SHISA9: variants seen among roughly 807,000 people sequenced by gnomAD.
SHISA9 encodes the protein shisa family member 9.
In SHISA9, 13 loss-of-function variants were observed where a neutral mutation model predicts 38.0. That is an observed-to-expected ratio of 0.34 (90% CI 0.22 to 0.54). The LOEUF (loss-of-function observed/expected upper bound fraction) is 0.54, where lower values mean the gene tolerates loss of function less well. Ranked by LOEUF, SHISA9 falls within the 20% of genes least tolerant of loss-of-function variation. The pLI is 0.91. For synonymous variants in SHISA9, 275 were observed against 242.0 expected (o/e 1.14, Z -1.27); for missense variants, 538 against 575.8 (o/e 0.93, Z 0.67).
At chr16:13,086,434 GATAT>G (rs2073711939) in intron 2 of SHISA9, among the ~76,000 whole-genome samples, 1 of 150,634 alleles carries the variant, frequency 6.6e-6, no homozygotes, top group Non-Finnish European at 1.5e-5. Context: ...CAACAAATCA[GATAT>G]AGCTTCAGAA....
chr16:13,168,169 C>G (rs1394978197), intron 2 of SHISA9, among the ~76,000 whole-genome samples: 1 of 152,184 alleles, frequency 6.6e-6, no homozygotes. Context: ...AGCCCACACC[C>G]CCAACCACCT....
chr16:13,075,629 C>T (rs1036656554), intron 2 of SHISA9, among the ~76,000 whole-genome samples: 4 of 152,152 alleles, frequency 2.6e-5, no homozygotes, highest in African/African-American at 9.7e-5. Flanking sequence ...TTCATAATAT[C>T]TATTGGTGGC....
chr16:13,118,814 C>T (rs2074057580), intron 2 of SHISA9, among the ~76,000 whole-genome samples: 1 of 151,376 alleles, frequency 6.6e-6, no homozygotes, highest in East Asian at 1.9e-4. Context: ...ACTGCAACCT[C>T]CACCTCACGG....
chr16:13,268,554 GTTGTACAAGAC>G, the SHISA9 span, among the ~76,000 whole-genome samples: 1 of 152,106 alleles, frequency 6.6e-6, no homozygotes, highest in South Asian at 2.1e-4. Context: ...AGAAATTCAT[GTTGTACAAGAC>G]TTAGCAGCAC....
intron 2 of SHISA9, among the ~76,000 whole-genome samples, chr16:12,948,984 A>T (rs2071721387): frequency 6.6e-6 from 1 of 152,192 alleles, no homozygotes; most frequent in African/African-American, 2.4e-5. Flanking sequence ...GGCTGGATAT[A>T]CTCATCTGTG....
the SHISA9 span, among the ~76,000 whole-genome samples, chr16:13,359,238 G>A: frequency 1.3e-5 from 2 of 152,202 alleles, no homozygotes; most frequent in East Asian, 3.9e-4. Context: ...ATTTTTTGGG[G>A]GGAGGTCAAG....
the SHISA9 span, among the ~76,000 whole-genome samples, chr16:13,386,741 T>C: frequency 6.6e-6 from 1 of 152,264 alleles, no homozygotes; most frequent in South Asian, 2.1e-4. Flanking sequence ...GCAATATGTT[T>C]TAGATTCCTT....
the SHISA9 span, among the ~76,000 whole-genome samples, chr16:13,335,733 C>G: frequency 1.3e-5 from 2 of 151,952 alleles, no homozygotes; most frequent in African/African-American, 2.4e-5. Context: ...TGCTCTGTGT[C>G]TTTGAGGGTG....
intron 2 of SHISA9, among the ~76,000 whole-genome samples, chr16:13,130,420 GTT>G: frequency 6.6e-6 from 1 of 151,966 alleles, no homozygotes; most frequent in East Asian, 1.9e-4. Flanking sequence ...TTTTTTGTTT[GTT>G]TGTTTGTTTT....
the SHISA9 span, among the ~76,000 whole-genome samples, chr16:13,439,072 A>G: frequency 4.9e-3 from 749 of 152,336 alleles, 8 homozygotes; most frequent in African/African-American, 0.017. Context: ...GAAGACAAAT[A>G]GTGCATGAGC....
intron 2 of SHISA9, among the ~76,000 whole-genome samples, chr16:13,099,484 G>T (rs1051486203): frequency 1.3e-5 from 2 of 152,120 alleles, no homozygotes; most frequent in Non-Finnish European, 2.9e-5. Context: ...GTAGAATTGT[G>T]GTTCTGGGCC....
the SHISA9 span, among the ~76,000 whole-genome samples, chr16:13,561,716 C>T: frequency 1.3e-5 from 2 of 152,130 alleles, no homozygotes; most frequent in African/African-American, 4.8e-5. Flanking sequence ...CTGTGTGGCC[C>T]TACGTGCCAG....
intron 2 of SHISA9, among the ~76,000 whole-genome samples, chr16:13,001,014 G>A (rs1428641796): frequency 5.9e-5 from 9 of 152,158 alleles, no homozygotes; most frequent in South Asian, 2.1e-4. Flanking sequence ...TGCCAACTCC[G>A]CGTCCCAGGT....
the SHISA9 span, among the ~76,000 whole-genome samples, chr16:13,405,017 G>A: frequency 2.5e-4 from 38 of 152,240 alleles, no homozygotes; most frequent in Non-Finnish European, 4.6e-4. Flanking sequence ...AAGACACTGC[G>A]TCCCTTCAGC....
the SHISA9 span, among the ~76,000 whole-genome samples, chr16:13,514,292 C>T: frequency 6.7e-6 from 1 of 149,236 alleles, no homozygotes; most frequent in South Asian, 2.1e-4. Context: ...TGCACCCAGC[C>T]AATTAAATTA....
the SHISA9 span, among the ~76,000 whole-genome samples, chr16:13,448,208 G>A: frequency 6.6e-6 from 1 of 152,170 alleles, no homozygotes; most frequent in Non-Finnish European, 1.5e-5. Context: ...GCTTTCCCTG[G>A]AAGTAGGTTT....
the SHISA9 span, among the ~76,000 whole-genome samples, chr16:13,299,640 G>A: frequency 6.6e-6 from 1 of 151,620 alleles, no homozygotes; most frequent in Admixed American, 6.6e-5. Context: ...CTTGAACTGG[G>A]AGGCGGAGGT....
chr16:13,078,192 C>T (rs2073605893), intron 2 of SHISA9, among the ~76,000 whole-genome samples: 1 of 152,178 alleles, frequency 6.6e-6, no homozygotes, highest in Non-Finnish European at 1.5e-5. Flanking sequence ...GGATTGGTTC[C>T]AGGACCCCCC....
chr16:13,015,697 G>T (rs944941920), intron 2 of SHISA9, among the ~76,000 whole-genome samples: 1 of 152,002 alleles, frequency 6.6e-6, no homozygotes, highest in Non-Finnish European at 1.5e-5. Flanking sequence ...TACCCTATGC[G>T]TAGATACACC....
Sources: allele counts gnomAD v4.1 joint callset (sites outside exome capture counted in the v4.1 genomes callset), GRCh38; gene constraint gnomAD v4.1.1; transcripts MANE v1.5; gene names NCBI Gene and HGNC (gene_info 2026-07-23, HGNC 2026-07-21).